The following PDE4D variants were observed in gnomAD, a reference collection of about 807,000 sequenced individuals.
PDE4D encodes 3',5'-cyclic-AMP phosphodiesterase 4D.
A neutral mutation model predicts 87.4 loss-of-function variants in PDE4D; 24 were observed. That is an observed-to-expected ratio of 0.27 (90% confidence interval 0.20 to 0.39). The LOEUF (loss-of-function observed/expected upper bound fraction) is 0.39, where lower values mean the gene tolerates loss of function less well. Among genes scored for constraint, PDE4D ranks in the 10% least tolerant of loss-of-function variants. The pLI, the probability that PDE4D is intolerant of heterozygous loss-of-function variation, is 1.00. For missense variants in PDE4D, 714 were observed against 1,041.0 expected (o/e 0.69, Z 4.32); for synonymous variants, 384 against 383.2 (o/e 1.00, Z -0.02).
At chr5:59,167,672 CTTCT>C (rs1782118708) in intron 5 of PDE4D, among the ~76,000 whole-genome samples, 1 of 152,204 alleles carries the variant, frequency 6.6e-6, no homozygotes, top group Non-Finnish European at 1.5e-5. Flanking sequence ...TCCTTTCTCT[CTTCT>C]TTATTTTACT....
intron 1 of PDE4D, among the ~76,000 whole-genome samples, chr5:59,691,720 A>T (rs1042597010): frequency 2.1e-4 from 2 of 9,310 alleles, no homozygotes; most frequent in African/African-American, 5.0e-4. Flanking sequence ...AAAGTATAAT[A>T]AAAAAAAAAA....
At chr5:59,412,640 A>C (rs1055352045) in intron 1 of PDE4D, among the ~76,000 whole-genome samples, 1 of 152,252 alleles carries the variant, frequency 6.6e-6, no homozygotes, top group African/African-American at 2.4e-5. Flanking sequence ...AACTTAAGCA[A>C]TACAATGAGA....
At position 59,964,608 on chromosome 5, in the gene PDE4D, A is replaced by T. The variant is rs541140266; in HGVS notation, c.272+23880T>A. ...GTAAGTCTATCTACTCTGCCTCTAA[A>T]TATCTCTCAAAATCTGATCATTTCT... On this transcript the variant is annotated intron_variant, in intron 3 of 16. Transcript: ENST00000502484. 2.6e-5 allele frequency among the ~76,000 whole-genome samples: 4 copies of T among 152,158 alleles called. No individual in the cohort carries two copies. In the South Asian group the frequency reaches 8.3e-4, roughly 32 times the overall value.
chr5:59,109,833 C>T (rs190108363), intron 5 of PDE4D, among the ~76,000 whole-genome samples: 59 of 152,214 alleles, frequency 3.9e-4, no homozygotes, highest in Admixed American at 1.6e-3. Context: ...CCAGGCTGGA[C>T]GCTGACAGTA....
At chr5:59,009,166 A>G (rs1010630448) in intron 6 of PDE4D, among the ~76,000 whole-genome samples, 1 of 152,180 alleles carries the variant, frequency 6.6e-6, no homozygotes, top group East Asian at 1.9e-4. Context: ...AAGGTTTGAC[A>G]GTTTCTTATA....
In PDE4D at chr5:59,754,615, A is replaced by C. The variant is rs186279047; in HGVS notation, c.455+138553T>G. Among the ~76,000 whole-genome samples, 1,202 of 152,230 alleles carry C rather than the reference A, an allele frequency of 7.9e-3. 12 individuals are homozygous for C. The highest frequency in any genetic ancestry group is 0.012 in the Non-Finnish European group (802 of 67,998). On this transcript the variant is annotated intron_variant, in intron 1 of 14. Transcript: ENST00000340635. The stretch of plus-strand genomic sequence containing the variant: ...ATTACGTAGCCAGTGCTGTGTGAGC[A>C]TTCTAGCATGGAAAGTAATTAGTTT...
chr5:59,039,231 G>C, intron 5 of PDE4D: 1 of 1,254,400 alleles, frequency 8.0e-7, no homozygotes, highest in Middle Eastern at 3.1e-4. Flanking sequence ...TGCAAAGAGC[G>C]GCGAGCCAAC....
chr5:59,597,424 C>T lies in PDE4D; in HGVS notation c.455+295744G>A, dbSNP rs1247523624. Among the ~76,000 whole-genome samples, 51 of 152,094 alleles carry T rather than the reference C, an allele frequency of 3.4e-4. 1 individual carries two copies. Among genetic ancestry groups the T allele is most frequent in the Non-Finnish European group, 1.3e-4 (9 of 68,004 alleles). On this transcript the variant is annotated intron_variant, in intron 1 of 14. Coordinates refer to ENST00000340635, the MANE Select transcript of PDE4D (RefSeq NM_001104631.2). ...TTTTCTCTGACTGACATCTATTACA[C>T]TTCCAATCAAAATACTAGCTTCTCA...
intron 2 of PDE4D, among the ~76,000 whole-genome samples, chr5:59,990,783 C>G (rs1444081790): frequency 6.6e-6 from 1 of 152,134 alleles, no homozygotes; most frequent in African/African-American, 2.4e-5. Context: ...ACCCAGAGAC[C>G]TATCATGACA....
At chr5:59,821,678 C>T (rs1183198292) in intron 1 of PDE4D, among the ~76,000 whole-genome samples, 1 of 152,100 alleles carries the variant, frequency 6.6e-6, no homozygotes, top group Non-Finnish European at 1.5e-5. Flanking sequence ...ATAATTTTAA[C>T]TTCATCATTT....
intron 1 of PDE4D, among the ~76,000 whole-genome samples, chr5:59,699,569 G>A (rs1237401839): frequency 6.6e-6 from 1 of 152,106 alleles, no homozygotes; most frequent in Non-Finnish European, 1.5e-5. Context: ...GCAGACCTGA[G>A]TGTCCAAGAA....
chr5:59,997,270 GT>G (rs1467757332), intron 2 of PDE4D, among the ~76,000 whole-genome samples: 1 of 151,954 alleles, frequency 6.6e-6, no homozygotes, highest in Admixed American at 6.6e-5. Context: ...AACTAACATT[GT>G]TTTTTTAGCA....
At chr5:59,753,575 TG>T (rs750946664) in intron 1 of PDE4D, among the ~76,000 whole-genome samples, 4 of 152,086 alleles carry the variant, frequency 2.6e-5, no homozygotes, top group Non-Finnish European at 5.9e-5. Flanking sequence ...CAGTTGGAAT[TG>T]AACAGAGGAG....
At chr5:59,904,877 C>A (rs769008117) in intron 3 of PDE4D, among the ~76,000 whole-genome samples, 9 of 151,846 alleles carry the variant, frequency 5.9e-5, no homozygotes, top group Non-Finnish European at 1.0e-4. Flanking sequence ...GTTAAATTTC[C>A]AAGTAACTTG....
At chr5:59,276,765 C>A (rs1387424957) in intron 1 of PDE4D, among the ~76,000 whole-genome samples, 1 of 151,986 alleles carries the variant, frequency 6.6e-6, no homozygotes, top group African/African-American at 2.4e-5. Context: ...TTTGCTAATC[C>A]TTAACAGCTC....
Position 58,989,926 on chromosome 5 carries a change from GA to G in PDE4D, c.1288-8del. 20 of 1,466,586 alleles carry G rather than the reference GA, an allele frequency of 1.4e-5. No individual in the cohort carries two copies. The highest frequency in any genetic ancestry group is 2.4e-5 in the South Asian group (2 of 82,216). The allele number at this position is 1,466,586 out of a possible 1,614,324, so 90.8% of individuals were successfully genotyped here. A position where few individuals can be genotyped will look rare whatever the true frequency, so the allele number is the denominator to read the frequency against. ...TTTTTAATAAATCCCGTTCCTGTAG[GA>G]AAAAAAATCATCTTAACATTTTTGT... On this transcript the variant is annotated splice_polypyrimidine_tract_variant and splice_region_variant and intron_variant, in intron 9 of 14. Coordinates refer to ENST00000340635, the MANE Select transcript of PDE4D (RefSeq NM_001104631.2).
Position 59,424,892 on chromosome 5 carries a change from C to G in PDE4D, c.456-208924G>C, listed in dbSNP as rs6861842. ...AGCAGAGCTTCACATACCAGGCCAA[C>G]AGGATGGTCGCTTAATATATGTAAG... On this transcript the variant is annotated intron_variant, in intron 1 of 14. Transcript: ENST00000340635. Among the ~76,000 whole-genome samples the G allele has an allele frequency of 7.3e-3, 1,113 of 152,298 alleles. 15 individuals carry two copies. The highest frequency in any genetic ancestry group is 0.024 in the African/African-American group (1,010 of 41,560).
intron 5 of PDE4D, among the ~76,000 whole-genome samples, chr5:59,082,536 T>C (rs923679139): frequency 6.6e-6 from 1 of 152,148 alleles, no homozygotes; most frequent in Non-Finnish European, 1.5e-5. Flanking sequence ...AACAGGTTTT[T>C]TTCTATATAC....
At chr5:59,840,052 C>A (rs924502772) in intron 1 of PDE4D, among the ~76,000 whole-genome samples, 1 of 152,014 alleles carries the variant, frequency 6.6e-6, no homozygotes, top group South Asian at 2.1e-4. Context: ...CACTTTCCCC[C>A]TCTGAGCATC....
Sources: allele counts gnomAD v4.1 joint callset (sites outside exome capture counted in the v4.1 genomes callset), GRCh38; gene constraint gnomAD v4.1.1; transcripts MANE v1.5; gene names NCBI Gene and HGNC (gene_info 2026-07-23, HGNC 2026-07-21).